Variants in SLC24A3 observed in about 807,000 individuals in gnomAD.
The protein encoded by SLC24A3 is sodium/potassium/calcium exchanger 3.
In SLC24A3, 28 loss-of-function variants were observed where a neutral mutation model predicts 75.8. That is an observed-to-expected ratio of 0.37 (90% CI 0.27 to 0.51). SLC24A3 has a LOEUF of 0.51. Ranked by LOEUF, SLC24A3 falls within the 20% of genes least tolerant of loss-of-function variation. The probability of loss-of-function intolerance (pLI) is 0.94; values close to 1 mark genes in which losing one functional copy is unlikely to be tolerated. For missense variants in SLC24A3, 663 were observed against 847.8 expected, an observed-to-expected ratio of 0.78 and a Z score of 2.71; for synonymous variants, 372 against 334.1, an observed-to-expected ratio of 1.11 and a Z score of -1.24.
chr20:19,310,240 G>A (rs1984427313), intron 2 of SLC24A3, among the ~76,000 whole-genome samples: 2 of 152,202 alleles, frequency 1.3e-5, no homozygotes, highest in South Asian at 2.1e-4. Flanking sequence ...TCAGAGTGTG[G>A]CCTCAGGCCC....
intron 1 of SLC24A3, 64 bp downstream of exon 1, chr20:19,213,048 T>G (rs928734898): frequency 4.3e-6 from 5 of 1,150,908 alleles, no homozygotes; most frequent in Non-Finnish European, 5.4e-6. Flanking sequence ...CTCCCGGGGC[T>G]GGGCGCGGGG....
intron 1 of SLC24A3, among the ~76,000 whole-genome samples, chr20:19,236,055 A>G (rs1393323925): frequency 2.0e-5 from 3 of 152,250 alleles, no homozygotes; most frequent in African/African-American, 4.8e-5. Flanking sequence ...CACTTCTTCT[A>G]TCTCATGGCG....
intron 10 of SLC24A3, among the ~76,000 whole-genome samples, chr20:19,682,900 T>C (rs773399978): frequency 6.6e-6 from 1 of 152,184 alleles, no homozygotes; most frequent in Non-Finnish European, 1.5e-5. Context: ...AAATATATAA[T>C]ATTTTTTCTA....
At chr20:19,217,646 T>C (rs6112259) in intron 1 of SLC24A3, among the ~76,000 whole-genome samples, 31,555 of 152,146 alleles carry the variant, frequency 0.21, 3,384 homozygotes, top group Non-Finnish European at 0.24. Flanking sequence ...CTATGGCAAA[T>C]GACCACAGCT....
intron 2 of SLC24A3, among the ~76,000 whole-genome samples, chr20:19,354,588 A>ATGTGTG (rs569362767): frequency 2.3e-4 from 32 of 136,364 alleles, no homozygotes; most frequent in Non-Finnish European, 3.8e-4. Context: ...AAATTTGTGT[A>ATGTGTG]TGTGTGTGTG....
chr20:19,652,410 A>G (rs2032216313), intron 6 of SLC24A3, among the ~76,000 whole-genome samples: 1 of 152,246 alleles, frequency 6.6e-6, no homozygotes, highest in Admixed American at 6.5e-5. Context: ...AAAATGAACA[A>G]TTTAGTCCAA....
chr20:19,323,114 G>A (rs1482941917), intron 2 of SLC24A3, among the ~76,000 whole-genome samples: 1 of 149,352 alleles, frequency 6.7e-6, no homozygotes, highest in African/African-American at 2.5e-5. Flanking sequence ...GCTGAGGCAG[G>A]AGAATGGCGT....
intron 2 of SLC24A3, among the ~76,000 whole-genome samples, chr20:19,430,451 G>C (rs1287683852): frequency 6.6e-6 from 1 of 152,120 alleles, no homozygotes; most frequent in East Asian, 1.9e-4. Context: ...GGAGGAAAAG[G>C]AGGGAAAGGA....
chr20:19,486,566 A>C (rs1027435829), intron 2 of SLC24A3, among the ~76,000 whole-genome samples: 2 of 152,244 alleles, frequency 1.3e-5, no homozygotes, highest in Non-Finnish European at 2.9e-5. Context: ...CCCCACACCC[A>C]ACCCACAAGC....
At chr20:19,523,759 G>A (rs2030146054) in intron 3 of SLC24A3, among the ~76,000 whole-genome samples, 1 of 152,174 alleles carries the variant, frequency 6.6e-6, no homozygotes, top group Admixed American at 6.5e-5. Flanking sequence ...ACCTCATCAG[G>A]CTGCCTTGAA....
chr20:19,657,278 C>CTGG (rs1281256297), intron 7 of SLC24A3, among the ~76,000 whole-genome samples: 4 of 152,154 alleles, frequency 2.6e-5, no homozygotes, highest in Non-Finnish European at 5.9e-5. Flanking sequence ...TTTACTTTAA[C>CTGG]TGGTGTTCCT....
intron 14 of SLC24A3, among the ~76,000 whole-genome samples, chr20:19,698,345 A>G (rs781581006): frequency 6.6e-6 from 1 of 152,256 alleles, no homozygotes; most frequent in Non-Finnish European, 1.5e-5. Context: ...CTTATATTCA[A>G]TCAGTGATGA....
intron 1 of SLC24A3, among the ~76,000 whole-genome samples, chr20:19,241,209 C>T (rs948528774): frequency 6.6e-6 from 1 of 152,206 alleles, no homozygotes; most frequent in Admixed American, 6.5e-5. Context: ...AGGACACGGA[C>T]GGGGTTATCC....
chr20:19,634,174 CTATT>C (rs1452362082), intron 6 of SLC24A3, among the ~76,000 whole-genome samples: 2 of 152,118 alleles, frequency 1.3e-5, no homozygotes, highest in Non-Finnish European at 2.9e-5. Context: ...TGTTTATGTG[CTATT>C]TAAAGGGAAG....
chr20:19,675,851 A>G (rs2032515642), intron 9 of SLC24A3, among the ~76,000 whole-genome samples: 4 of 152,190 alleles, frequency 2.6e-5, no homozygotes, highest in Non-Finnish European at 5.9e-5. Context: ...GAGCAAAACT[A>G]TATAGCAAAT....
intron 2 of SLC24A3, among the ~76,000 whole-genome samples, chr20:19,477,730 C>G (rs1016005707): frequency 1.3e-5 from 2 of 152,158 alleles, no homozygotes; most frequent in African/African-American, 4.8e-5. Flanking sequence ...AGGCAAATGG[C>G]TTGATTATGG....
rs750211926 is a variant in SLC24A3, at chr20:19,652,899, T to G, written c.613-1163T>G. ...TGAGAGTGTTGACTTGTGCTGTGTC[T>G]TTTTTCACTTACTACGCCAAGGGCA... On this transcript the variant is annotated intron_variant, in intron 6 of 16. Transcript: ENST00000328041. Among the ~76,000 whole-genome samples, 133 of 152,138 alleles carry G rather than the reference T, an allele frequency of 8.7e-4. 1 individual carries two copies. The highest frequency in any genetic ancestry group is 3.5e-4 in the Non-Finnish European group (24 of 68,016).
chr20:19,576,025 A>G (rs2031129572), intron 3 of SLC24A3, among the ~76,000 whole-genome samples: 1 of 152,032 alleles, frequency 6.6e-6, no homozygotes, highest in Non-Finnish European at 1.5e-5. Flanking sequence ...AAGCCCTGCC[A>G]TTTGCTAGCC....
At chr20:19,427,685 C>T (rs1210196790) in intron 2 of SLC24A3, among the ~76,000 whole-genome samples, 5 of 152,182 alleles carry the variant, frequency 3.3e-5, no homozygotes, top group African/African-American at 1.2e-4. Flanking sequence ...ACTTGTCCTC[C>T]TCCCAGGCCT....
Sources: allele counts gnomAD v4.1 joint callset (sites outside exome capture counted in the v4.1 genomes callset), GRCh38; gene constraint gnomAD v4.1.1; transcripts MANE v1.5; gene names NCBI Gene and HGNC (gene_info 2026-07-23, HGNC 2026-07-21).